STAG1: variants seen among roughly 807,000 people sequenced by gnomAD.
STAG1 encodes the protein STAG1 cohesin complex component.
In STAG1, 26 loss-of-function variants were observed where a neutral mutation model predicts 170.9. The observed-to-expected ratio is 0.15, with a 90% CI of 0.11 to 0.21. The LOEUF (loss-of-function observed/expected upper bound fraction) is 0.21, where lower values mean the gene tolerates loss of function less well. Among genes scored for constraint, STAG1 ranks in the 10% least tolerant of loss-of-function variants. The pLI is 1.00. For missense variants in STAG1, 964 were observed against 1,509.5 expected, an observed-to-expected ratio of 0.64 and a Z score of 5.99; for synonymous variants, 514 against 497.7, an observed-to-expected ratio of 1.03 and a Z score of -0.44.
chr3:136,712,666 G>A (rs1363359289), intron 1 of STAG1, among the ~76,000 whole-genome samples: 1 of 152,210 alleles, frequency 6.6e-6, no homozygotes, highest in Non-Finnish European at 1.5e-5. Flanking sequence ...ACATGCTGCT[G>A]TTGGAAGAAA....
chr3:136,629,295 A>C (rs765940915), intron 2 of STAG1, among the ~76,000 whole-genome samples: 39 of 152,312 alleles, frequency 2.6e-4, no homozygotes, highest in Non-Finnish European at 4.7e-4. Context: ...GGTCAGAAAA[A>C]ACAAGAGACA....
chr3:136,661,218 T>C (rs904317531), intron 1 of STAG1, among the ~76,000 whole-genome samples: 2 of 152,248 alleles, frequency 1.3e-5, no homozygotes, highest in Admixed American at 6.5e-5. Context: ...CTAACTCCTG[T>C]GTCCTAAATA....
chr3:136,710,001 C>A (rs1204221175), intron 1 of STAG1, among the ~76,000 whole-genome samples: 2 of 150,620 alleles, frequency 1.3e-5, no homozygotes, highest in South Asian at 4.2e-4. Flanking sequence ...CAACACTGCA[C>A]TCCAGCCTGG....
chr3:136,363,911 G>A (rs552476024), intron 25 of STAG1, among the ~76,000 whole-genome samples: 80 of 151,986 alleles, frequency 5.3e-4, no homozygotes, highest in Non-Finnish European at 3.7e-4. Context: ...GTGCCACCAC[G>A]CCTGGCTAAT....
At chr3:136,422,658 T>A in intron 18 of STAG1, 45 bp from the exon 19 acceptor site, 1 of 1,562,316 alleles carries the variant, frequency 6.4e-7, no homozygotes, top group South Asian at 1.2e-5. Context: ...AGGTTAACAA[T>A]AAAAAATAAA....
intron 4 of STAG1, among the ~76,000 whole-genome samples, chr3:136,589,749 A>G (rs1246426269): frequency 1.3e-5 from 2 of 151,726 alleles, no homozygotes; most frequent in East Asian, 3.9e-4. Context: ...TAGCCAACAT[A>G]GTGAAACGCT....
chr3:136,670,039 G>A (rs1162636505), intron 1 of STAG1, among the ~76,000 whole-genome samples: 1 of 152,222 alleles, frequency 6.6e-6, no homozygotes, highest in East Asian at 1.9e-4. Flanking sequence ...CTGGCACAGT[G>A]GCTCACACCT....
chr3:136,619,019 A>C (rs1345663346), intron 3 of STAG1, among the ~76,000 whole-genome samples: 2 of 152,166 alleles, frequency 1.3e-5, no homozygotes, highest in African/African-American at 4.8e-5. Context: ...CCATATTTAC[A>C]TGTGTATATG....
At chr3:136,683,331 T>A (rs1399711824) in intron 1 of STAG1, among the ~76,000 whole-genome samples, 2 of 152,054 alleles carry the variant, frequency 1.3e-5, no homozygotes, top group African/African-American at 4.8e-5. Context: ...TGGCATGATC[T>A]AGGTTCACTG....
At chr3:136,646,550 A>C (rs1941021283) in intron 1 of STAG1, among the ~76,000 whole-genome samples, 1 of 152,210 alleles carries the variant, frequency 6.6e-6, no homozygotes, top group South Asian at 2.1e-4. Context: ...TAGATTTTTT[A>C]AAGGATATAA....
chr3:136,717,332 T>C (rs1943568393), intron 1 of STAG1, among the ~76,000 whole-genome samples: 1 of 152,232 alleles, frequency 6.6e-6, no homozygotes, highest in African/African-American at 2.4e-5. Flanking sequence ...TTGATTTTGG[T>C]GTTAAAAGCA....
chr3:136,539,289 AATG>A (rs1935782897), intron 6 of STAG1, among the ~76,000 whole-genome samples: 1 of 152,162 alleles, frequency 6.6e-6, no homozygotes, highest in Non-Finnish European at 1.5e-5. Flanking sequence ...TATACTTATT[AATG>A]ATGTTAATCC....
chr3:136,622,628 C>A (rs1939917626), intron 3 of STAG1, among the ~76,000 whole-genome samples: 3 of 152,046 alleles, frequency 2.0e-5, no homozygotes, highest in Admixed American at 2.0e-4. Context: ...AACAGTATAA[C>A]CCTTAACCCC....
chr3:136,358,088 AT>A (rs68065485), intron 27 of STAG1, among the ~76,000 whole-genome samples: 50,507 of 140,480 alleles, frequency 0.36, 9,143 homozygotes, highest in African/African-American at 0.51. Flanking sequence ...CTAAATTCGT[AT>A]TTTTTTTTTT....
intron 3 of STAG1, among the ~76,000 whole-genome samples, chr3:136,613,765 G>C (rs1939438232): frequency 6.6e-6 from 1 of 152,170 alleles, no homozygotes. Context: ...TAGAATTACA[G>C]GTGTGCGCCA....
intron 3 of STAG1, among the ~76,000 whole-genome samples, chr3:136,621,473 A>G (rs1330098624): frequency 6.6e-6 from 1 of 152,224 alleles, no homozygotes; most frequent in East Asian, 1.9e-4. Context: ...AGTAATGGGA[A>G]CTAGAATAGT....
chr3:136,600,911 G>A (rs1938646134), intron 4 of STAG1, among the ~76,000 whole-genome samples: 1 of 149,274 alleles, frequency 6.7e-6, no homozygotes, highest in Admixed American at 6.7e-5. Flanking sequence ...TTTTGTTTGA[G>A]AAGAAGTCTT....
intron 5 of STAG1, among the ~76,000 whole-genome samples, chr3:136,567,269 G>A (rs1553747086): frequency 6.6e-6 from 1 of 152,138 alleles, no homozygotes; most frequent in Non-Finnish European, 1.5e-5. Context: ...CACATCATCA[G>A]TGCTTGCCTC....
intron 21 of STAG1, among the ~76,000 whole-genome samples, chr3:136,415,688 T>A (rs1343471096): frequency 6.6e-6 from 1 of 152,034 alleles, no homozygotes; most frequent in African/African-American, 2.4e-5. Context: ...ACCCAAAAAT[T>A]AGCCCAGCGT....
Sources: allele counts gnomAD v4.1 joint callset (sites outside exome capture counted in the v4.1 genomes callset), GRCh38; gene constraint gnomAD v4.1.1; transcripts MANE v1.5; gene names NCBI Gene and HGNC (gene_info 2026-07-23, HGNC 2026-07-21).